Variants in CNTNAP5 observed in about 807,000 individuals in gnomAD.
CNTNAP5 encodes contactin associated protein family member 5.
Under a neutral mutation model 150.2 loss-of-function variants are expected in CNTNAP5, and 72 were observed. That is an observed-to-expected ratio of 0.48 (90% confidence interval 0.40 to 0.58). The LOEUF (loss-of-function observed/expected upper bound fraction) is 0.58, where lower values mean the gene tolerates loss of function less well. CNTNAP5 is among the 20% of genes least tolerant of loss of function. The pLI is 0.00. For missense variants in CNTNAP5, 1,636 were observed against 1,626.2 expected (o/e 1.01, Z -0.10); for synonymous variants, 672 against 619.8 (o/e 1.08, Z -1.25).
At chr2:124,074,784 C>T (rs918336446) in intron 1 of CNTNAP5, among the ~76,000 whole-genome samples, 1 of 152,124 alleles carries the variant, frequency 6.6e-6, no homozygotes, top group African/African-American at 2.4e-5. Context: ...GACATCAGAT[C>T]TATTCATCAT....
chr2:124,560,631 TC>T (rs36099399), intron 10 of CNTNAP5, among the ~76,000 whole-genome samples: 61,478 of 151,528 alleles, frequency 0.41, 13,602 homozygotes, highest in East Asian at 0.96. Flanking sequence ...TGTAAGAGAA[TC>T]CCAGCTCGGA....
chr2:124,773,064 A>C, intron 17 of CNTNAP5, 47 bp downstream of exon 17: 14 of 1,472,454 alleles, frequency 9.5e-6, no homozygotes, highest in African/African-American at 1.4e-5. Flanking sequence ...CTGCAAGATC[A>C]CTGTGTGACC....
chr2:124,565,258 A>AG (rs1695991881), intron 11 of CNTNAP5, among the ~76,000 whole-genome samples: 1 of 151,900 alleles, frequency 6.6e-6, no homozygotes, highest in South Asian at 2.1e-4. Context: ...AACAAAAAAA[A>AG]TATTGTTTGG....
chr2:124,077,634 G>A (rs569916233), intron 1 of CNTNAP5, among the ~76,000 whole-genome samples: 24 of 152,222 alleles, frequency 1.6e-4, no homozygotes, highest in African/African-American at 2.2e-4. Flanking sequence ...CTTATTCTTC[G>A]AGTTTTAATT....
At chr2:124,115,070 A>T (rs1034367201) in intron 1 of CNTNAP5, among the ~76,000 whole-genome samples, 3 of 152,064 alleles carry the variant, frequency 2.0e-5, no homozygotes, top group African/African-American at 7.2e-5. Context: ...TATGATTAGC[A>T]TATTATTATG....
At chr2:124,830,659 CAT>C (rs1404374888) in intron 19 of CNTNAP5, among the ~76,000 whole-genome samples, 1 of 151,900 alleles carries the variant, frequency 6.6e-6, no homozygotes, top group Non-Finnish European at 1.5e-5. Flanking sequence ...ACAATTCAGA[CAT>C]ATCAAGAAAA....
At chr2:124,865,579 C>G in intron 20 of CNTNAP5, 143 bp downstream of exon 20, 2 of 738,308 alleles carry the variant, frequency 2.7e-6, no homozygotes, top group Non-Finnish European at 4.4e-6. Context: ...CTTGGAAGAA[C>G]TAGGATAGTG....
intron 19 of CNTNAP5, among the ~76,000 whole-genome samples, chr2:124,824,666 C>T (rs184561267): frequency 1.3e-5 from 2 of 152,276 alleles, no homozygotes; most frequent in Admixed American, 1.3e-4. Context: ...GTTTTGACTG[C>T]TCTTGGAATA....
At chr2:124,179,737 T>C (rs1685164977) in intron 1 of CNTNAP5, among the ~76,000 whole-genome samples, 1 of 152,124 alleles carries the variant, frequency 6.6e-6, no homozygotes, top group Admixed American at 6.5e-5. Context: ...AAAAGACAAA[T>C]GTATTTACAA....
At chr2:124,111,974 A>T (rs1200110680) in intron 1 of CNTNAP5, among the ~76,000 whole-genome samples, 5 of 152,208 alleles carry the variant, frequency 3.3e-5, no homozygotes, top group Non-Finnish European at 7.3e-5. Context: ...ACACTGAATG[A>T]CTTGTCCCTA....
intron 12 of CNTNAP5, among the ~76,000 whole-genome samples, chr2:124,636,211 C>T (rs1435773905): frequency 1.3e-5 from 2 of 152,168 alleles, no homozygotes; most frequent in Non-Finnish European, 2.9e-5. Flanking sequence ...TTGAGTTACC[C>T]AGCCTCCTTA....
At chr2:124,713,084 C>A (rs1287107269) in intron 13 of CNTNAP5, among the ~76,000 whole-genome samples, 1 of 152,138 alleles carries the variant, frequency 6.6e-6, no homozygotes, top group Non-Finnish European at 1.5e-5. Flanking sequence ...ATTTGGCTAC[C>A]AAGCATCTGC....
intron 13 of CNTNAP5, among the ~76,000 whole-genome samples, chr2:124,708,619 T>G (rs573886064): frequency 2.6e-5 from 4 of 152,278 alleles, no homozygotes; most frequent in Admixed American, 2.0e-4. Flanking sequence ...TGACAGACAT[T>G]GGCATTTATG....
intron 19 of CNTNAP5, among the ~76,000 whole-genome samples, chr2:124,833,169 C>T (rs945805006): frequency 3.3e-5 from 5 of 152,102 alleles, no homozygotes; most frequent in African/African-American, 1.2e-4. Context: ...CTTGGCCTCC[C>T]AAAGTGTTGA....
In CNTNAP5 at chr2:124,143,879, T is replaced by A. The variant is rs1322334065; in HGVS notation, c.83-77826T>A. On this transcript the variant is annotated intron_variant, in intron 1 of 23. Coordinates refer to ENST00000682447, the MANE Select transcript of CNTNAP5 (RefSeq NM_001367498.1). ...CCCTGTTTGCAGATGACATGATTGT[T>A]TATCTAGAAAACCCCATCATCTCAG... is the stretch of plus-strand genomic sequence containing the variant. Among the ~76,000 whole-genome samples, 61 of 92,750 alleles carry A rather than the reference T, an allele frequency of 6.6e-4. 2 individuals are homozygous for A. The East Asian group carries it at 0.019, about 29-fold the overall frequency. The allele number at this position is 92,750 out of a possible 152,430, so 60.8% of individuals were successfully genotyped here.
chr2:124,317,334 A>C (rs1688992869), intron 3 of CNTNAP5, among the ~76,000 whole-genome samples: 1 of 152,162 alleles, frequency 6.6e-6, no homozygotes. Context: ...CCAATACAAA[A>C]ACTAAAGCAT....
chr2:124,107,636 T>C (rs1293845930), intron 1 of CNTNAP5, among the ~76,000 whole-genome samples: 1 of 152,254 alleles, frequency 6.6e-6, no homozygotes, highest in Non-Finnish European at 1.5e-5. Flanking sequence ...GTATTTCCTC[T>C]GGTGACTGTA....
chr2:124,324,849 C>G (rs1197905582), intron 3 of CNTNAP5, among the ~76,000 whole-genome samples: 1 of 152,140 alleles, frequency 6.6e-6, no homozygotes, highest in Non-Finnish European at 1.5e-5. Context: ...TTTCATGAAT[C>G]TAAGGTTTTT....
At chr2:124,312,992 A>T (rs1045261191) in intron 3 of CNTNAP5, among the ~76,000 whole-genome samples, 2 of 152,202 alleles carry the variant, frequency 1.3e-5, no homozygotes, top group East Asian at 3.9e-4. Flanking sequence ...GGCGTGAGCC[A>T]CCACGCCTGG....
Sources: gnomAD v4.1 joint callset for allele counts (sites outside exome capture counted in the v4.1 genomes callset) on GRCh38, gnomAD v4.1.1 for gene constraint, MANE v1.5 for transcripts, NCBI Gene and HGNC (gene_info 2026-07-23, HGNC 2026-07-21) for gene names.